ADGRL3: variants seen among roughly 807,000 people sequenced by gnomAD.
The protein encoded by ADGRL3 is adhesion G protein-coupled receptor L3, also known as calcium-independent alpha-latrotoxin receptor 3.
Under a neutral mutation model 153.5 loss-of-function variants are expected in ADGRL3, and 62 were observed. The ratio of observed to expected loss-of-function variants is 0.40; its 90% confidence interval spans 0.33 to 0.50. The LOEUF is 0.50. ADGRL3 is among the 20% of genes least tolerant of loss of function. ADGRL3 has a pLI of 0.47. For synonymous variants in ADGRL3, 710 were observed against 672.5 expected (o/e 1.06, Z -0.86); for missense variants, 1,641 against 1,859.4 (o/e 0.88, Z 2.16).
At position 61,646,103 on chromosome 4, in the gene ADGRL3, A is replaced by T. The variant is rs1339759752; in HGVS notation, c.474-30723A>T. Among the ~76,000 whole-genome samples the T allele has an allele frequency of 3.3e-5, 5 of 152,128 alleles. No homozygotes were observed. In the East Asian group the frequency reaches 7.8e-4, roughly 24 times the overall value. ...GGCTCCTGAGGCCTCTGCATTCTTTACGTAGTTCTCGAGCCTTGGTTTTCA... is the reference window on the plus strand; with the variant it reads ...GGCTCCTGAGGCCTCTGCATTCTTTTCGTAGTTCTCGAGCCTTGGTTTTCA... On this transcript the variant is annotated intron_variant, in intron 5 of 26. Transcript: ENST00000683033.
intron 17 of ADGRL3, among the ~76,000 whole-genome samples, chr4:61,970,943 G>A (rs912892208): frequency 1.1e-4 from 16 of 151,880 alleles, no homozygotes; most frequent in African/African-American, 3.9e-4. Flanking sequence ...TTCATGCCAC[G>A]TTTATCCGAA....
At chr4:61,893,093 C>CTCCT (rs1457644419) in intron 10 of ADGRL3, 135 bp downstream of exon 10, 17 of 397,634 alleles carry the variant, frequency 4.3e-5, no homozygotes, top group African/African-American at 4.0e-4. Flanking sequence ...CTCTTTCTTT[C>CTCCT]TCCTTCCTTC....
At chr4:61,708,628 T>C (rs1202879333) in intron 6 of ADGRL3, among the ~76,000 whole-genome samples, 1 of 152,034 alleles carries the variant, frequency 6.6e-6, no homozygotes, top group African/African-American at 2.4e-5. Flanking sequence ...TGCTATGGGT[T>C]TACTGCACAG....
chr4:62,057,253 T>C (rs1737529429), intron 25 of ADGRL3, among the ~76,000 whole-genome samples: 1 of 152,260 alleles, frequency 6.6e-6, no homozygotes, highest in South Asian at 2.1e-4. Context: ...TTACATATAT[T>C]ACACTGAACC....
At chr4:61,456,384 TATATAG>T (rs1560664000) in intron 2 of ADGRL3, among the ~76,000 whole-genome samples, 12 of 115,092 alleles carry the variant, frequency 1.0e-4, no homozygotes, top group African/African-American at 3.0e-4. Flanking sequence ...TCTATATATA[TATATAG>T]ATATATCTAT....
rs190271818 is a variant in ADGRL3, at chr4:61,326,282, T to G, written c.-239-56842T>G. 2.0e-3 allele frequency among the ~76,000 whole-genome samples: 302 copies of G among 152,240 alleles called. 4 individuals carry two copies. The highest frequency in any genetic ancestry group is 6.0e-4 in the Non-Finnish European group (41 of 68,002). ...TTTTTTCCTCTAGGACCTAAATATC[T>G]AGACATATATTCACATCCTTTCAAA... On this transcript the variant is annotated intron_variant, in intron 1 of 26. Transcript: ENST00000683033.
chr4:61,819,552 G>A (rs942636639), intron 9 of ADGRL3, among the ~76,000 whole-genome samples: 4 of 151,864 alleles, frequency 2.6e-5, no homozygotes, highest in African/African-American at 4.8e-5. Flanking sequence ...ATTGCTTTAT[G>A]TATTAATTCC....
chr4:61,555,554 A>G (rs2098761389), intron 4 of ADGRL3, among the ~76,000 whole-genome samples: 1 of 152,192 alleles, frequency 6.6e-6, no homozygotes, highest in Non-Finnish European at 1.5e-5. Context: ...TAACAGACAA[A>G]ATAGCCTGCC....
chr4:61,731,726 T>C (rs1274877850), intron 7 of ADGRL3, among the ~76,000 whole-genome samples: 1 of 152,156 alleles, frequency 6.6e-6, no homozygotes, highest in East Asian at 1.9e-4. Context: ...CACATGTGGC[T>C]AAGGATCCCT....
chr4:62,007,216 C>T (rs1027193277), intron 21 of ADGRL3, among the ~76,000 whole-genome samples: 3 of 150,554 alleles, frequency 2.0e-5, no homozygotes, highest in Non-Finnish European at 4.4e-5. Context: ...CCTCAGAAGC[C>T]CCTTGCTGGT....
intron 5 of ADGRL3, among the ~76,000 whole-genome samples, chr4:61,617,392 C>G (rs1303693568): frequency 1.3e-5 from 2 of 151,780 alleles, no homozygotes; most frequent in East Asian, 1.9e-4. Context: ...TTCACTGTAC[C>G]TTTTTTGCAC....
Position 61,909,753 on chromosome 4 carries a change from C to A in ADGRL3, c.2073+8C>A, listed in dbSNP as rs1347716921. 6.7e-7 allele frequency: 1 copy of A among 1,481,744 alleles called. No homozygotes were observed. The highest frequency in any genetic ancestry group is 2.7e-5 in the East Asian group (1 of 36,930). The allele number at this position is 1,481,744 out of a possible 1,614,324, so 91.8% of individuals were successfully genotyped here. ...GCCCGGAGTTTGAACAAGGTAAGGA[C>A]CCTAATTATGTGTGTGTGTGTGTGT... On this transcript the variant is annotated splice_region_variant and intron_variant, in intron 12 of 26. Transcript: ENST00000683033.
chr4:61,670,353 A>C (rs2094948791), intron 5 of ADGRL3, among the ~76,000 whole-genome samples: 1 of 152,150 alleles, frequency 6.6e-6, no homozygotes, highest in Non-Finnish European at 1.5e-5. Flanking sequence ...TGTGCAATCA[A>C]CTAATATCAT....
At chr4:62,044,249 G>A (rs1241321621) in intron 24 of ADGRL3, among the ~76,000 whole-genome samples, 2 of 151,698 alleles carry the variant, frequency 1.3e-5, no homozygotes, top group East Asian at 1.9e-4. Flanking sequence ...AGGCATTTAG[G>A]AATACAGTTA....
At chr4:62,040,180 A>G (rs1398084651) in intron 24 of ADGRL3, among the ~76,000 whole-genome samples, 1 of 152,116 alleles carries the variant, frequency 6.6e-6, no homozygotes, top group South Asian at 2.1e-4. Context: ...GATTGAAGTA[A>G]TATACACAAA....
chr4:61,776,019 G>C lies in ADGRL3; in HGVS notation c.1400-37790G>C, dbSNP rs1400601850. Among the ~76,000 whole-genome samples the C allele has an allele frequency of 3.3e-5, 5 of 152,162 alleles. No homozygotes were observed. In the East Asian group the frequency reaches 9.7e-4, roughly 29 times the overall value. On this transcript the variant is annotated intron_variant, in intron 8 of 26. Transcript: ENST00000683033. ...GGGTTCATGCCATTCTCCTGTCTCG[G>C]CCTCCCGAGTAGCTGGGACTCCAGG...
At chr4:62,034,510 G>A (rs977184249) in intron 23 of ADGRL3, among the ~76,000 whole-genome samples, 3 of 151,688 alleles carry the variant, frequency 2.0e-5, no homozygotes, top group Admixed American at 1.3e-4. Context: ...TACAGAAAAC[G>A]TATAATTATT....
At chr4:61,760,264 T>A (rs985040019) in intron 8 of ADGRL3, among the ~76,000 whole-genome samples, 5 of 152,164 alleles carry the variant, frequency 3.3e-5, no homozygotes, top group African/African-American at 9.7e-5. Flanking sequence ...AGGTGGAGTC[T>A]ACAGAGGTAG....
chr4:61,372,139 T>G (rs1214521305), intron 1 of ADGRL3, among the ~76,000 whole-genome samples: 7 of 152,002 alleles, frequency 4.6e-5, no homozygotes, highest in Non-Finnish European at 8.8e-5. Flanking sequence ...TTCTAAATTT[T>G]TTTGAAAGTT....
Sources: allele counts gnomAD v4.1 joint callset (sites outside exome capture counted in the v4.1 genomes callset), GRCh38; gene constraint gnomAD v4.1.1; transcripts MANE v1.5; gene names NCBI Gene and HGNC (gene_info 2026-07-23, HGNC 2026-07-21).